Variants in INF2 observed in about 807,000 individuals in gnomAD.
INF2 encodes inverted formin-2.
Under a neutral mutation model 123.5 loss-of-function variants are expected in INF2, and 43 were observed. That is an observed-to-expected ratio of 0.35 (90% CI 0.27 to 0.45). INF2 has a LOEUF of 0.45. INF2 is among the 20% of genes least tolerant of loss of function. The probability of loss-of-function intolerance (pLI) is 1.00; values close to 1 mark genes in which losing one functional copy is unlikely to be tolerated. For synonymous variants in INF2, 851 were observed against 745.0 expected (o/e 1.14, Z -2.32); for missense variants, 1,453 against 1,682.7 (o/e 0.86, Z 2.39).
chr14:104,703,564 C>A, intron 4 of INF2, 110 bp downstream of exon 4: 1 of 1,428,994 alleles, frequency 7.0e-7, no homozygotes, highest in Non-Finnish European at 9.7e-7. Context: ...TGCCCCCGAC[C>A]CAGGGCCCCA....
In INF2 at chr14:104,721,123, G is replaced by T. The variant is rs1225527715; in HGVS notation, c.*2330G>T. On this transcript the variant is annotated 3_prime_UTR_variant, in exon 23 of 23. Transcript: ENST00000392634. The stretch of plus-strand genomic sequence containing the variant: ...GTCTCGTGTGGATGCTGCTGTGGAC[G>T]TCTGCGTCGTCCTCGATGCTGCTGT... 4 of 131,850 alleles carry T rather than the reference G, an allele frequency of 3.0e-5. No homozygotes were observed. Among genetic ancestry groups the T allele is most frequent in the African/African-American group, 1.3e-4 (4 of 31,352 alleles). 8.2% of individuals were successfully genotyped at this position (131,850 alleles called of 1,614,324 possible). A position where few individuals can be genotyped will look rare whatever the true frequency, so the allele number is the denominator to read the frequency against.
Position 104,711,699 on chromosome 14 carries a change from G to A in INF2, c.2489G>A (p.Gly830Glu), listed in dbSNP as rs377340315. The change falls in exon 16 of 23, where the codon GGG becomes GAG. Residue 830 changes from glycine to glutamate, a missense_variant and splice_region_variant. Gly to Glu is a moderately conservative substitution (Grantham distance 98, BLOSUM62 -2). This residue lies in a region of INF2 where 212 missense variants were observed against 266.2 expected (regional missense o/e 0.80). Transcript: ENST00000392634. ...CTGGAACAGCCCTCGCAAGCAGCAG[G>A]GTAGGTAGCTCCTGCCAGCCCGCCC... Reference protein sequence around the residue: ...RDLEQPSQAAGINLEIIRSEA... With the variant: ...RDLEQPSQAAEINLEIIRSEA... 2.5e-6 allele frequency: 4 copies of A among 1,612,162 alleles called. No individual in the cohort carries two copies. Among genetic ancestry groups the A allele is most frequent in the Non-Finnish European group, 3.4e-6 (4 of 1,179,562 alleles).
At position 104,710,889 on chromosome 14, in the gene INF2, G is replaced by C. The variant is rs780986149; in HGVS notation, c.2240-48G>C. 1.9e-6 allele frequency: 3 copies of C among 1,555,790 alleles called. No homozygotes were observed. The African/African-American group carries it at 4.1e-5, about 21-fold the overall frequency. Reference sequence around the variant, plus strand: ...ACCACACCCCACCGCCAGGGCATCTGGGGGCTCCGAACCAAGAGCCCCTCT... The same window carrying C: ...ACCACACCCCACCGCCAGGGCATCTCGGGGCTCCGAACCAAGAGCCCCTCT... On this transcript the variant is annotated intron_variant, in intron 13 of 22. Coordinates refer to ENST00000392634, the MANE Select transcript of INF2 (RefSeq NM_022489.4).
At chr14:104,692,750 C>T (rs1334969093) in intron 1 of INF2, among the ~76,000 whole-genome samples, 4 of 152,262 alleles carry the variant, frequency 2.6e-5, no homozygotes. Flanking sequence ...AGTGTGGTCA[C>T]AGCCCAGATG....
At chr14:104,715,616 A>G (rs1890264606) in intron 22 of INF2, 2 of 593,962 alleles carry the variant, frequency 3.4e-6, no homozygotes, top group African/African-American at 3.7e-5. Flanking sequence ...GGCAGGTGGC[A>G]GGGCCAGCCG....
At position 104,709,612 on chromosome 14, in the gene INF2, C is replaced by G. The variant is rs1178098178; in HGVS notation, c.2053-8C>G. 1.2e-6 allele frequency: 2 copies of G among 1,611,700 alleles called. No individual in the cohort carries two copies. The highest frequency in any genetic ancestry group is 4.5e-5 in the East Asian group (2 of 44,880). On this transcript the variant is annotated splice_polypyrimidine_tract_variant and splice_region_variant and intron_variant, in intron 11 of 22. Coordinates refer to ENST00000392634, the MANE Select transcript of INF2 (RefSeq NM_022489.4). The stretch of plus-strand genomic sequence containing the variant: ...GGGGGATCCCACATGCCGTTCTCCT[C>G]CTGGCAGATTGAAAACCTGCGGGCA...
In INF2 at chr14:104,711,644, C is replaced by G. The variant is rs1275409785; in HGVS notation, c.2434C>G (p.His812Asp). 1 of 1,612,414 alleles carries G rather than the reference C, an allele frequency of 6.2e-7. No individual in the cohort carries two copies. The highest frequency in any genetic ancestry group is 8.5e-7 in the Non-Finnish European group (1 of 1,179,724). ...CCCATTGCAGGAAGCGGAAAAGAGCCACCCCGACCTCCTGCAGCTGCCCCG... is the reference window on the plus strand; with the variant it reads ...CCCATTGCAGGAAGCGGAAAAGAGCGACCCCGACCTCCTGCAGCTGCCCCG... ...HHVLEEAEKS[H>D]PDLLQLPRDL... Residue 812 changes from histidine to aspartate, a missense_variant, in exon 16 of 23, where the codon CAC (histidine) becomes GAC (aspartate). Physicochemically the swap from His to Asp is moderately conservative, Grantham distance 81. Around this residue, in one of 8 missense-constraint regions of INF2, gnomAD observed 31 missense variants for 86.0 expected, o/e 0.36. Transcript: ENST00000392634.
intron 1 of INF2, chr14:104,681,699 C>T (rs1383345683): frequency 4.3e-5 from 35 of 819,564 alleles, no homozygotes; most frequent in East Asian, 3.8e-4. Flanking sequence ...CCTGAGGTCC[C>T]GGAGGGCAGC....
chr14:104,692,571 C>CG (rs1889006718), intron 1 of INF2, among the ~76,000 whole-genome samples: 1 of 152,222 alleles, frequency 6.6e-6, no homozygotes, highest in Non-Finnish European at 1.5e-5. Context: ...TAGCCATTAC[C>CG]GGGCCTCCAA....
In INF2 at chr14:104,709,262, G is replaced by C. The variant is rs745859621; in HGVS notation, c.1950-19G>C. The C allele has an allele frequency of 6.3e-7, 1 of 1,599,442 alleles. No homozygotes were observed. The highest frequency in any genetic ancestry group is 1.1e-5 in the South Asian group (1 of 90,348). On this transcript the variant is annotated intron_variant, in intron 10 of 22. Transcript: ENST00000392634. ...ACTCATGATTCACTCACCCCTGCCC[G>C]GTCCTCTCCCTGCTCCAGCTCCAAC...
At position 104,714,264 on chromosome 14, in the gene INF2, C is replaced by T. The variant is rs375864368; in HGVS notation, c.3102C>T (p.Pro1034=). The change falls in exon 21 of 23, where the codon CCC becomes CCT. Residue 1034 remains proline (P), a synonymous_variant. Coordinates refer to ENST00000392634, the MANE Select transcript of INF2 (RefSeq NM_022489.4). ...VGSTRCPASE[P]GLDATTASES... ...GCACGCGCTGTCCCGCCTCTGAGCC[C>T]GGCCTTGATGCTACAACAGCCAGCG... The T allele has an allele frequency of 4.0e-5, 64 of 1,593,344 alleles. No individual in the cohort carries two copies. The highest frequency in any genetic ancestry group is 1.7e-4 in the Admixed American group (10 of 58,114).
At chr14:104,682,950 C>CTG (rs1347124174) in intron 1 of INF2, among the ~76,000 whole-genome samples, 1 of 152,084 alleles carries the variant, frequency 6.6e-6, no homozygotes, top group African/African-American at 2.4e-5. Flanking sequence ...TTGGGTGTGC[C>CTG]TGGGATAGCT....
intron 16 of INF2, among the ~76,000 whole-genome samples, chr14:104,712,229 C>T (rs1003830366): frequency 7.2e-5 from 11 of 152,144 alleles, no homozygotes; most frequent in Admixed American, 2.0e-4. Context: ...ACAGGCTGAC[C>T]GTTAGGGTCC....
At chr14:104,692,316 G>A (rs1888992976) in intron 1 of INF2, among the ~76,000 whole-genome samples, 2 of 152,242 alleles carry the variant, frequency 1.3e-5, no homozygotes, top group Non-Finnish European at 2.9e-5. Flanking sequence ...CATCCATTCT[G>A]CCAGGAGGTG....
chr14:104,701,124 G>A (rs1889464914), intron 1 of INF2, among the ~76,000 whole-genome samples: 1 of 152,168 alleles, frequency 6.6e-6, no homozygotes. Flanking sequence ...CATGCGCGCA[G>A]TAGGGCCCTT....
At chr14:104,688,532 A>G (rs1272464487), upstream of INF2, among the ~76,000 whole-genome samples, 1 of 152,202 alleles carries the variant, frequency 6.6e-6, no homozygotes, top group African/African-American at 2.4e-5. Flanking sequence ...GAGTGGAGAC[A>G]CTTTATCCGC....
At chr14:104,711,981 T>C (rs557148308) in intron 16 of INF2, among the ~76,000 whole-genome samples, 18 of 152,242 alleles carry the variant, frequency 1.2e-4, no homozygotes, top group Non-Finnish European at 1.5e-5. Context: ...CTTCACAAGG[T>C]GGACCTTCAC....
intron 22 of INF2, among the ~76,000 whole-genome samples, chr14:104,717,388 C>T (rs1442085431): frequency 2.0e-5 from 3 of 152,172 alleles, no homozygotes; most frequent in Non-Finnish European, 2.9e-5. Context: ...GGGCAGGGTC[C>T]GCTGTGGGGC....
chr14:104,708,475 C>T lies in INF2; in HGVS notation c.1775C>T (p.Ala592Val). Residue 592 changes from alanine (A) to valine (V), a missense_variant, in exon 9 of 23, where the codon GCC (alanine) becomes GTC (valine). By Grantham distance (64) the Ala-to-Val change is moderately conservative. This residue lies in a region of INF2 where 192 missense variants were observed against 274.4 expected (regional missense o/e 0.70). Transcript: ENST00000392634. ...SMWASLSSPD[A>V]EAVEPDFSSI... ...TGGGCGTCCCTGAGCAGCCCCGACGCCGAGGCTGTGGAGCCCGACTTCTCC... is the reference window on the plus strand; with the variant it reads ...TGGGCGTCCCTGAGCAGCCCCGACGTCGAGGCTGTGGAGCCCGACTTCTCC... The T allele has an allele frequency of 3.7e-6, 6 of 1,612,532 alleles. No individual in the cohort carries two copies. Among genetic ancestry groups the T allele is most frequent in the Non-Finnish European group, 2.5e-6 (3 of 1,179,806 alleles).
Sources: allele counts gnomAD v4.1 joint callset (sites outside exome capture counted in the v4.1 genomes callset), GRCh38; gene constraint gnomAD v4.1.1; regional missense constraint gnomAD v4.1.1; transcripts MANE v1.5; gene names NCBI Gene and HGNC (gene_info 2026-07-23, HGNC 2026-07-21).